RPL31: variants seen among roughly 807,000 people sequenced by gnomAD.
The protein encoded by RPL31 is ribosomal protein L31, also known as large ribosomal subunit protein eL31.
For synonymous variants in RPL31, 51 were observed against 55.0 expected (o/e 0.93, Z 0.32); for missense variants, 95 against 164.0 (o/e 0.58, Z 2.30).
At chr2:101,014,431 C>A (rs1346590794) in intron 4 of RPL31, among the ~76,000 whole-genome samples, 1 of 152,174 alleles carries the variant, frequency 6.6e-6, no homozygotes, top group African/African-American at 2.4e-5. Flanking sequence ...GGAATCTAAA[C>A]TACCATTTTT....
chr2:101,007,992 G>A, downstream of RPL31: 1 of 1,613,996 alleles, frequency 6.2e-7, no homozygotes, highest in Non-Finnish European at 8.5e-7. Context: ...TATGTTCAAG[G>A]GAGACAGTCC....
downstream of RPL31, chr2:101,011,098 G>A: frequency 1.4e-6 from 2 of 1,419,678 alleles, no homozygotes; most frequent in Admixed American, 3.5e-5. Context: ...AAACTATGTA[G>A]GAGAGAGGAG....
chr2:101,011,657 T>A, downstream of RPL31: 1 of 1,068,894 alleles, frequency 9.4e-7, no homozygotes, highest in Non-Finnish European at 1.4e-6. Context: ...CTGTGGACTG[T>A]AGTTTTTGCA....
chr2:101,003,826 G>A (rs1678626524), intron 2 of RPL31, among the ~76,000 whole-genome samples: 1 of 152,172 alleles, frequency 6.6e-6, no homozygotes, highest in African/African-American at 2.4e-5. Context: ...TTAGTATTTT[G>A]ATTGAGGACT....
At chr2:101,014,086 T>A (rs1679434327) in intron 4 of RPL31, among the ~76,000 whole-genome samples, 1 of 152,236 alleles carries the variant, frequency 6.6e-6, no homozygotes, top group South Asian at 2.1e-4. Context: ...GCAGGGATCA[T>A]ACATCCAATT....
At chr2:101,002,670 C>T in intron 1 of RPL31, 32 bp from the exon 2 acceptor site, 1 of 1,558,030 alleles carries the variant, frequency 6.4e-7, no homozygotes, top group East Asian at 2.2e-5. Flanking sequence ...TTGTTAAACT[C>T]TGCTCTGAGC....
intron 4 of RPL31, among the ~76,000 whole-genome samples, chr2:101,018,476 C>T (rs1283529111): frequency 6.6e-6 from 1 of 152,184 alleles, no homozygotes; most frequent in Non-Finnish European, 1.5e-5. Flanking sequence ...AGCAGATGTA[C>T]TTGGTTATGT....
At chr2:101,017,652 CT>C (rs991862851) in intron 4 of RPL31, among the ~76,000 whole-genome samples, 4 of 152,200 alleles carry the variant, frequency 2.6e-5, no homozygotes, top group Non-Finnish European at 5.9e-5. Flanking sequence ...GTGCAAAGAT[CT>C]TGTGTATTTC....
chr2:101,004,603 A>T, intron 3 of RPL31: 3 of 342,580 alleles, frequency 8.8e-6, no homozygotes, highest in East Asian at 4.6e-5. Flanking sequence ...AGCCCAGTGG[A>T]GGAGGGAGGG....
downstream of RPL31, among the ~76,000 whole-genome samples, chr2:101,008,693 T>G (rs543686351): frequency 6.6e-6 from 1 of 152,034 alleles, no homozygotes; most frequent in Non-Finnish European, 1.5e-5. Flanking sequence ...ATGCCTGCAA[T>G]CCCAGCTACT....
chr2:101,009,038 G>A (rs896201212), downstream of RPL31, among the ~76,000 whole-genome samples: 6 of 152,264 alleles, frequency 3.9e-5, no homozygotes, highest in South Asian at 2.1e-4. Context: ...TTGAGAATAC[G>A]TAATGTGAGG....
At chr2:101,008,169 C>T (rs1307640657), downstream of RPL31, 2 of 1,613,776 alleles carry the variant, frequency 1.2e-6, no homozygotes, top group Non-Finnish European at 1.7e-6. Flanking sequence ...CCCCGATCTG[C>T]AGCAGCAGTG....
Position 101,007,193 on chromosome 2 carries a change from G to A in RPL31, c.*812G>A, listed in dbSNP as rs1216922869. ...TTCACTGCCACAGTCTACAGCTTAA[G>A]ACACTTAACTACAAGGTAAAAGAAA... On this transcript the variant is annotated 3_prime_UTR_variant, in exon 5 of 5. Transcript: ENST00000264258. 6.6e-6 allele frequency: 1 copy of A among 152,478 alleles called. No individual in the cohort carries two copies. The highest frequency in any genetic ancestry group is 1.5e-5 in the Non-Finnish European group (1 of 68,300). 9.4% of individuals were successfully genotyped at this position (152,478 alleles called of 1,614,324 possible). A position where few individuals can be genotyped will look rare whatever the true frequency, so the allele number is the denominator to read the frequency against.
downstream of RPL31, chr2:101,010,916 A>G (rs1679161645): frequency 6.2e-7 from 1 of 1,605,288 alleles, no homozygotes; most frequent in Non-Finnish European, 8.5e-7. Flanking sequence ...TCTGCACTGA[A>G]GAAAGTCCAT....
chr2:101,011,720 T>C (rs1679229019), downstream of RPL31, among the ~76,000 whole-genome samples: 1 of 152,024 alleles, frequency 6.6e-6, no homozygotes, highest in African/African-American at 2.4e-5. Flanking sequence ...CCAGAGAAAA[T>C]AAAATGTCCC....
chr2:101,010,514 C>T (rs1314677865), downstream of RPL31, among the ~76,000 whole-genome samples: 4 of 152,044 alleles, frequency 2.6e-5, no homozygotes, highest in Non-Finnish European at 5.9e-5. Context: ...CCAATTTAAT[C>T]ACTATGATGT....
rs1000242396 is a variant in RPL31, at chr2:101,005,949, T to C, written c.234-10T>C. On this transcript the variant is annotated splice_polypyrimidine_tract_variant and intron_variant, in intron 3 of 4. Coordinates refer to ENST00000264258, the MANE Select transcript of RPL31 (RefSeq NM_000993.5). Reference sequence around the variant, plus strand: ...CATTGACTTCAGCAACACAATTATGTTTTTATTAGGAATGTGCCATACCGA... The same window carrying C: ...CATTGACTTCAGCAACACAATTATGCTTTTATTAGGAATGTGCCATACCGA... 8 of 1,610,226 alleles carry C rather than the reference T, an allele frequency of 5.0e-6. No homozygotes were observed. Among genetic ancestry groups the C allele is most frequent in the Non-Finnish European group, 5.9e-6 (7 of 1,178,680 alleles).
intron 4 of RPL31, among the ~76,000 whole-genome samples, chr2:101,014,412 T>A (rs1462976463): frequency 6.6e-6 from 1 of 152,178 alleles, no homozygotes; most frequent in Non-Finnish European, 1.5e-5. Context: ...CAGGACTGCG[T>A]GTTAAACTGG....
At chr2:101,008,268 TTC>T, downstream of RPL31, 1 of 1,525,016 alleles carries the variant, frequency 6.6e-7, no homozygotes, top group Non-Finnish European at 8.8e-7. Flanking sequence ...ACTGGATAAA[TTC>T]TCTCTGAAAT....
Sources: allele counts gnomAD v4.1 joint callset (sites outside exome capture counted in the v4.1 genomes callset), GRCh38; gene constraint gnomAD v4.1.1; transcripts MANE v1.5; gene names NCBI Gene and HGNC (gene_info 2026-07-23, HGNC 2026-07-21).